PSD4: variants seen among roughly 807,000 people sequenced by gnomAD.
The protein encoded by PSD4 is pleckstrin and Sec7 domain containing 4, also known as PH and SEC7 domain-containing protein 4.
Under a neutral mutation model 112.5 loss-of-function variants are expected in PSD4, and 59 were observed. That is an observed-to-expected ratio of 0.52 (90% CI 0.43 to 0.65). The LOEUF (loss-of-function observed/expected upper bound fraction) is 0.65. Among genes scored for constraint, PSD4 ranks in the 30% least tolerant of loss-of-function variants. The pLI is 0.00. For synonymous variants in PSD4, 533 were observed against 540.0 expected (o/e 0.99, Z 0.18); for missense variants, 1,267 against 1,352.6 (o/e 0.94, Z 0.99).
At chr2:113,190,241 A>G (rs1336867687) in intron 5 of PSD4, among the ~76,000 whole-genome samples, 1 of 152,172 alleles carries the variant, frequency 6.6e-6, no homozygotes. Flanking sequence ...TGGTTAGCCA[A>G]TTATCCCAAC....
chr2:113,191,492 G>A (rs1688439907), intron 5 of PSD4, among the ~76,000 whole-genome samples: 2 of 152,136 alleles, frequency 1.3e-5, no homozygotes, highest in South Asian at 4.1e-4. Flanking sequence ...GGCTGGCTTC[G>A]AACTCCTGGC....
Position 113,203,167 on chromosome 2 carries a change from C to T in PSD4, c.*1752C>T, listed in dbSNP as rs1214681446. 2.0e-5 allele frequency: 3 copies of T among 152,322 alleles called. No individual in the cohort carries two copies. Among genetic ancestry groups the T allele is most frequent in the East Asian group, 1.9e-4 (1 of 5,188 alleles). 9.4% of individuals were successfully genotyped at this position (152,322 alleles called of 1,614,324 possible). Reference sequence around the variant, plus strand: ...CATTCATTTTGCAGATAATATGGGACGCTTTCTATGTGCCAGTACCAGGGG... The same window carrying T: ...CATTCATTTTGCAGATAATATGGGATGCTTTCTATGTGCCAGTACCAGGGG... On this transcript the variant is annotated 3_prime_UTR_variant, in exon 17 of 17. Coordinates refer to ENST00000245796, the MANE Select transcript of PSD4 (RefSeq NM_012455.3).
chr2:113,208,548 T>C lies in PSD4; in HGVS notation c.*7133T>C, dbSNP rs1688897089. On this transcript the variant is annotated 3_prime_UTR_variant, in exon 17 of 17. Transcript: ENST00000245796. Reference sequence around the variant, plus strand: ...TCACACACCAGGATACATACAGAGATGTGACCCGGATGGATGGACCTTTGC... The same window carrying C: ...TCACACACCAGGATACATACAGAGACGTGACCCGGATGGATGGACCTTTGC... The C allele has an allele frequency of 6.6e-6, 1 of 152,254 alleles. No individual in the cohort carries two copies. Among genetic ancestry groups the C allele is most frequent in the African/African-American group, 2.4e-5 (1 of 41,470 alleles). 9.4% of individuals were successfully genotyped at this position (152,254 alleles called of 1,614,324 possible). A position where few individuals can be genotyped will look rare whatever the true frequency, so the allele number is the denominator to read the frequency against.
chr2:113,193,509 G>T (rs1026540480), intron 8 of PSD4, 83 bp from the exon 9 acceptor site: 4 of 1,514,910 alleles, frequency 2.6e-6, no homozygotes, highest in Non-Finnish European at 3.7e-6. Flanking sequence ...GGGGTTATTC[G>T]GTTACCCCAC....
At chr2:113,197,355 G>A (rs570709996) in intron 12 of PSD4, 15 of 616,246 alleles carry the variant, frequency 2.4e-5, no homozygotes, top group South Asian at 5.6e-5. Context: ...TGTTTCCAGC[G>A]GGCATTGCCT....
chr2:113,202,788 A>T lies in PSD4; in HGVS notation c.*1373A>T, dbSNP rs1215824956. ...CACCCTCCTCCCTTCCCATGCTTGT[A>T]ACCAGCTCTGGGGCTTGCACCTCCA... On this transcript the variant is annotated 3_prime_UTR_variant, in exon 17 of 17. Transcript: ENST00000245796. 1.3e-5 allele frequency: 2 copies of T among 152,430 alleles called. No homozygotes were observed. Among genetic ancestry groups the T allele is most frequent in the African/African-American group, 4.8e-5 (2 of 41,460 alleles). 9.4% of individuals were successfully genotyped at this position (152,430 alleles called of 1,614,324 possible). A position where few individuals can be genotyped will look rare whatever the true frequency, so the allele number is the denominator to read the frequency against.
chr2:113,199,434 T>C (rs1453425680), intron 16 of PSD4, among the ~76,000 whole-genome samples: 2 of 152,258 alleles, frequency 1.3e-5, no homozygotes, highest in Admixed American at 1.3e-4. Context: ...AAAGAGTGTG[T>C]GTCCCCACGC....
rs1011418823 is a variant in PSD4 at position 113,199,173 on chromosome 2, C to A, written c.2860C>A (p.Arg954Ser). Reference sequence around the variant, plus strand: ...GAGGAACCTGCCGGAGCGGCGGGGCCGTGGCCGCGAGCTGGAGGAGCACCG... The same window carrying A: ...GAGGAACCTGCCGGAGCGGCGGGGCAGTGGCCGCGAGCTGGAGGAGCACCG... The part of the protein sequence containing the change: ...LQRNLPERRG[R>S]GRELEEHRLR... Residue 954 changes from arginine (R) to serine (S), a missense_variant, in exon 16 of 17, where the codon CGT becomes AGT. Transcript: ENST00000245796. 72 of 1,524,446 alleles carry A rather than the reference C, an allele frequency of 4.7e-5. No homozygotes were observed. Among genetic ancestry groups the A allele is most frequent in the Non-Finnish European group, 6.1e-5 (69 of 1,138,758 alleles). The allele number at this position is 1,524,446 out of a possible 1,614,324, so 94.4% of individuals were successfully genotyped here.
rs1362258868 is a variant in PSD4 at position 113,182,507 on chromosome 2, C to T, written c.51C>T (p.Leu17=). 2 of 1,614,114 alleles carry T rather than the reference C, an allele frequency of 1.2e-6. No homozygotes were observed. The highest frequency in any genetic ancestry group is 1.7e-6 in the Non-Finnish European group (2 of 1,179,992). ...LPDHPQPMEI[L]NLYLGDSLEP... ...ACCACCCCCAGCCCATGGAAATTCT[C>T]AACCTGTACTTGGGAGACAGCCTGG... Residue 17 remains leucine, a synonymous_variant, in exon 2 of 17, where the codon CTC becomes CTT. Transcript: ENST00000245796.
chr2:113,186,159 C>T lies in PSD4; in HGVS notation c.1532C>T (p.Ala511Val), dbSNP rs748812089. 9.9e-6 allele frequency: 16 copies of T among 1,614,016 alleles called. No individual in the cohort carries two copies. The highest frequency in any genetic ancestry group is 1.4e-5 in the Non-Finnish European group (16 of 1,180,040). ...SSLKKKEAGE[A>V]PKPGEEVKSE... Reference sequence around the variant, plus strand: ...TTGAAGAAAAAGGAGGCAGGGGAGGCCCCAAAACCAGGCGAGGAAGTAAAG... The same window carrying T: ...TTGAAGAAAAAGGAGGCAGGGGAGGTCCCAAAACCAGGCGAGGAAGTAAAG... Residue 511 changes from alanine to valine, a missense_variant, in exon 5 of 17, where the codon GCC (alanine) becomes GTC (valine). Ala to Val is a moderately conservative substitution (Grantham distance 64). Around this residue, in one of 2 missense-constraint regions of PSD4, gnomAD observed 723 missense variants for 704.0 expected, o/e 1.03. Coordinates refer to ENST00000245796, the MANE Select transcript of PSD4 (RefSeq NM_012455.3).
chr2:113,177,584 G>A (rs1009490589), intron 1 of PSD4, among the ~76,000 whole-genome samples: 3 of 152,188 alleles, frequency 2.0e-5, no homozygotes, highest in South Asian at 2.1e-4. Flanking sequence ...AACCTCTTAC[G>A]TCAACGCTAA....
intron 6 of PSD4, among the ~76,000 whole-genome samples, 175 bp downstream of exon 6, chr2:113,192,764 T>C (rs573556745): frequency 1.3e-5 from 2 of 152,288 alleles, no homozygotes; most frequent in South Asian, 2.1e-4. Context: ...CTCTCAGTCA[T>C]GGTCCTCATG....
chr2:113,192,698 C>T, intron 6 of PSD4, 109 bp downstream of exon 6: 1 of 1,151,386 alleles, frequency 8.7e-7, no homozygotes, highest in Non-Finnish European at 1.2e-6. Flanking sequence ...TGCCCTGTTC[C>T]CTTCCCATCT....
At chr2:113,184,482 A>G (rs6737029) in intron 2 of PSD4, among the ~76,000 whole-genome samples, 77,909 of 150,056 alleles carry the variant, frequency 0.52, 21,160 homozygotes, top group African/African-American at 0.7. Flanking sequence ...CAAGCGATTC[A>G]CCTGCCTCAG....
intron 11 of PSD4, 114 bp downstream of exon 11, chr2:113,195,884 AG>A: frequency 2.1e-6 from 3 of 1,411,766 alleles, no homozygotes; most frequent in Non-Finnish European, 3.0e-6. Context: ...CTCCCCTTGG[AG>A]TGAGGCAAAG....
At chr2:113,181,708 G>C (rs927578007) in intron 1 of PSD4, among the ~76,000 whole-genome samples, 7 of 152,218 alleles carry the variant, frequency 4.6e-5, no homozygotes, top group African/African-American at 1.7e-4. Flanking sequence ...GTTAAGCAGA[G>C]AGCCCCTTGC....
chr2:113,188,737 C>T (rs549445480), intron 5 of PSD4, among the ~76,000 whole-genome samples: 4 of 152,200 alleles, frequency 2.6e-5, no homozygotes, highest in East Asian at 3.9e-4. Flanking sequence ...CCCGCCACTG[C>T]GCCCGGCTAA....
chr2:113,177,417 C>T (rs560720347), intron 1 of PSD4, among the ~76,000 whole-genome samples: 9 of 152,240 alleles, frequency 5.9e-5, no homozygotes, highest in Non-Finnish European at 5.9e-5. Context: ...TCTACAACGC[C>T]GACTCTCAGT....
Position 113,182,344 on chromosome 2 carries a change from A to T in PSD4, c.-111-2A>T. On this transcript the variant is annotated splice_acceptor_variant, in intron 1 of 16. Coordinates refer to ENST00000245796, the MANE Select transcript of PSD4 (RefSeq NM_012455.3). LOFTEE classifies it low-confidence loss of function (5UTR_SPLICE). Reference sequence around the variant, plus strand: ...ACCTGCACTTGCTTTGGGCATTTCCAGGGTAGATATGGATTCCCAGTTTCT... The same window carrying T: ...ACCTGCACTTGCTTTGGGCATTTCCTGGGTAGATATGGATTCCCAGTTTCT... 1.9e-6 allele frequency: 2 copies of T among 1,057,370 alleles called. No individual in the cohort carries two copies. The highest frequency in any genetic ancestry group is 1.4e-6 in the Non-Finnish European group (1 of 727,810). The allele number at this position is 1,057,370 out of a possible 1,614,324, so 65.5% of individuals were successfully genotyped here.
Sources: allele counts gnomAD v4.1 joint callset (sites outside exome capture counted in the v4.1 genomes callset), GRCh38; gene constraint gnomAD v4.1.1; regional missense constraint gnomAD v4.1.1; transcripts MANE v1.5; gene names NCBI Gene and HGNC (gene_info 2026-07-23, HGNC 2026-07-21).